Variants in NUBPL observed in about 807,000 individuals in gnomAD.
NUBPL encodes the protein iron-sulfur cluster transfer protein NUBPL.
NUBPL carries 31 observed loss-of-function variants against 45.7 expected under a neutral mutation model. That is an observed-to-expected ratio of 0.68 (90% CI 0.51 to 0.92). The LOEUF is 0.92. Ranked by LOEUF, NUBPL falls within the 40% of genes least tolerant of loss-of-function variation. The pLI, the probability that NUBPL is intolerant of heterozygous loss-of-function variation, is 0.00. For synonymous variants in NUBPL, 144 were observed against 140.9 expected (o/e 1.02, Z -0.15); for missense variants, 401 against 398.7 (o/e 1.01, Z -0.05).
chr14:31,595,091 C>T (rs929295549), intron 3 of NUBPL, among the ~76,000 whole-genome samples: 1 of 152,298 alleles, frequency 6.6e-6, no homozygotes, highest in East Asian at 1.9e-4. Context: ...AACTGTGGTT[C>T]GTGTCTTTGA....
chr14:31,760,917 A>G (rs1197533890), intron 6 of NUBPL, among the ~76,000 whole-genome samples: 1 of 151,540 alleles, frequency 6.6e-6, no homozygotes, highest in Non-Finnish European at 1.5e-5. Flanking sequence ...TGGCACACTC[A>G]AGCTCCTTGG....
chr14:31,844,301 G>A (rs1479761485), intron 8 of NUBPL: 1 of 152,108 alleles, frequency 6.6e-6, no homozygotes, highest in African/African-American at 2.4e-5. Flanking sequence ...CTTTTTGAGT[G>A]ATAATTTTTT....
At chr14:31,815,196 G>T (rs113093561) in intron 7 of NUBPL, among the ~76,000 whole-genome samples, 10,714 of 151,226 alleles carry the variant, frequency 0.071, 454 homozygotes, top group Non-Finnish European at 0.092. Context: ...CCATTTTTTT[G>T]TGTCCTCTCT....
At chr14:31,793,499 T>C (rs997558210) in intron 7 of NUBPL, among the ~76,000 whole-genome samples, 1 of 152,218 alleles carries the variant, frequency 6.6e-6, no homozygotes, top group Admixed American at 6.5e-5. Flanking sequence ...TGCATACCTA[T>C]GTTATCTTCT....
chr14:31,722,211 T>G (rs916950727), intron 6 of NUBPL, among the ~76,000 whole-genome samples: 1 of 152,056 alleles, frequency 6.6e-6, no homozygotes, highest in African/African-American at 2.4e-5. Flanking sequence ...GGGTTTTCAC[T>G]GTGTTTGCCA....
At chr14:31,753,788 G>T (rs1430860041) in intron 6 of NUBPL, among the ~76,000 whole-genome samples, 1 of 152,064 alleles carries the variant, frequency 6.6e-6, no homozygotes, top group Non-Finnish European at 1.5e-5. Flanking sequence ...TGCTTCACAG[G>T]GTTTTTGTCA....
intron 4 of NUBPL, among the ~76,000 whole-genome samples, chr14:31,644,737 G>C (rs2035797719): frequency 6.6e-6 from 1 of 152,102 alleles, no homozygotes; most frequent in South Asian, 2.1e-4. Flanking sequence ...CCTTTACTGA[G>C]AGTAGGGTAT....
At chr14:31,789,904 CT>C (rs1246008392) in intron 7 of NUBPL, among the ~76,000 whole-genome samples, 2,595 of 134,170 alleles carry the variant, frequency 0.019, 34 homozygotes, top group African/African-American at 0.041. Context: ...TGTGATTTTT[CT>C]TTTTTTTTTT....
chr14:31,781,877 A>T (rs1187362079), intron 6 of NUBPL, among the ~76,000 whole-genome samples: 1 of 152,084 alleles, frequency 6.6e-6, no homozygotes, highest in Admixed American at 6.5e-5. Context: ...TAGGACAAAG[A>T]TTTACTACAC....
chr14:31,592,919 T>G (rs1281038241), intron 3 of NUBPL, among the ~76,000 whole-genome samples: 3 of 152,186 alleles, frequency 2.0e-5, no homozygotes, highest in Non-Finnish European at 4.4e-5. Context: ...CAAAAATCCT[T>G]ACCCTCATGG....
At chr14:31,741,153 A>C (rs959902923) in intron 6 of NUBPL, among the ~76,000 whole-genome samples, 27 of 152,314 alleles carry the variant, frequency 1.8e-4, no homozygotes, top group Non-Finnish European at 4.0e-4. Flanking sequence ...TTCACCTCTT[A>C]GGATTCCCTG....
chr14:31,701,329 C>G (rs1179120019), intron 6 of NUBPL, among the ~76,000 whole-genome samples: 1 of 152,182 alleles, frequency 6.6e-6, no homozygotes, highest in Non-Finnish European at 1.5e-5. Context: ...CTGTGTCTAG[C>G]TCAGGGATCG....
At chr14:31,628,625 CT>C (rs1158103673) in intron 4 of NUBPL, among the ~76,000 whole-genome samples, 4 of 151,844 alleles carry the variant, frequency 2.6e-5, no homozygotes, top group Admixed American at 2.0e-4. Context: ...CTGAATAGCC[CT>C]TTTTTTTCTG....
rs183566290 is a variant in NUBPL, at chr14:31,638,708, T to C, written c.383-34647T>C. ...TTTTCCAACTTGGTTCCATTCTCCC[T>C]GTCACTTTCAGGTACACCAATCAGA... is the stretch of plus-strand genomic sequence containing the variant. On this transcript the variant is annotated intron_variant, in intron 4 of 10. Transcript: ENST00000281081. 2.6e-3 allele frequency among the ~76,000 whole-genome samples: 403 copies of C among 152,306 alleles called. 7 individuals are homozygous for C. The highest frequency in any genetic ancestry group is 7.8e-4 in the Non-Finnish European group (53 of 68,018).
chr14:31,851,995 T>A (rs1178412634), intron 10 of NUBPL, among the ~76,000 whole-genome samples: 5 of 152,204 alleles, frequency 3.3e-5, no homozygotes, highest in Admixed American at 3.3e-4. Flanking sequence ...AAAGATAATA[T>A]GATTTAATAC....
chr14:31,599,208 C>T (rs769332000), intron 3 of NUBPL, 81 bp from the exon 4 acceptor site: 2 of 1,053,812 alleles, frequency 1.9e-6, no homozygotes, highest in East Asian at 2.5e-5. Flanking sequence ...TTGCTATATG[C>T]TTCACCTTTG....
At chr14:31,651,299 A>G (rs924459062) in intron 4 of NUBPL, among the ~76,000 whole-genome samples, 25 of 152,024 alleles carry the variant, frequency 1.6e-4, no homozygotes, top group African/African-American at 6.0e-4. Context: ...CCTGGCCTCT[A>G]GTGATCCACA....
chr14:31,808,286 T>A (rs919189735), intron 7 of NUBPL, among the ~76,000 whole-genome samples: 62 of 152,300 alleles, frequency 4.1e-4, no homozygotes, highest in African/African-American at 1.4e-3. Flanking sequence ...GTTTGTATCC[T>A]CTTTTATTTC....
At chr14:31,604,719 G>T (rs1190542099) in intron 4 of NUBPL, among the ~76,000 whole-genome samples, 1 of 152,102 alleles carries the variant, frequency 6.6e-6, no homozygotes, top group Non-Finnish European at 1.5e-5. Flanking sequence ...AGGGTGGGGG[G>T]AATTGTAGAA....
Sources: allele counts gnomAD v4.1 joint callset (sites outside exome capture counted in the v4.1 genomes callset), GRCh38; gene constraint gnomAD v4.1.1; transcripts MANE v1.5; gene names NCBI Gene and HGNC (gene_info 2026-07-23, HGNC 2026-07-21).